UBASH3B: variants seen among roughly 807,000 people sequenced by gnomAD.
UBASH3B encodes the protein ubiquitin associated and SH3 domain containing B.
A neutral mutation model predicts 83.4 loss-of-function variants in UBASH3B; 37 were observed. That is an observed-to-expected ratio of 0.44 (90% CI 0.34 to 0.58). The LOEUF (loss-of-function observed/expected upper bound fraction) is 0.58. Ranked by LOEUF, UBASH3B falls within the 20% of genes least tolerant of loss-of-function variation. The pLI, the probability that UBASH3B is intolerant of heterozygous loss-of-function variation, is 0.01. For missense variants in UBASH3B, 657 were observed against 827.2 expected, an observed-to-expected ratio of 0.79 and a Z score of 2.52; for synonymous variants, 304 against 318.3, an observed-to-expected ratio of 0.96 and a Z score of 0.48.
chr11:122,694,954 C>CTTTTTTTTTTTTTTTTTT lies in UBASH3B; in HGVS notation c.161+38754_161+38771dup, dbSNP rs71054088. Among the ~76,000 whole-genome samples the CTTTTTTTTTTTTTTTTTT allele has an allele frequency of 2.6e-4, 13 of 50,412 alleles. 4 individuals carry two copies. The East Asian group carries it at 2.8e-3, about 11-fold the overall frequency. 33.1% of individuals were successfully genotyped at this position (50,412 alleles called of 152,430 possible). A position where few individuals can be genotyped will look rare whatever the true frequency, so the allele number is the denominator to read the frequency against. On this transcript the variant is annotated intron_variant, in intron 1 of 13. Transcript: ENST00000284273. ...TATTTATTTTTCTTTTCTTTTCTTT[C>CTTTTTTTTTTTTTTTTTT]TTTTTTTTTTTTTTTTTTTTTTTTT...
At chr11:122,730,836 C>T (rs1414355031) in intron 1 of UBASH3B, among the ~76,000 whole-genome samples, 1 of 152,132 alleles carries the variant, frequency 6.6e-6, no homozygotes, top group Non-Finnish European at 1.5e-5. Flanking sequence ...CTCAGGTGAT[C>T]CGCCCGCCTC....
intron 1 of UBASH3B, among the ~76,000 whole-genome samples, chr11:122,769,174 A>G (rs1344353998): frequency 2.0e-5 from 3 of 152,212 alleles, no homozygotes; most frequent in Non-Finnish European, 4.4e-5. Flanking sequence ...GCTTCCACTC[A>G]TGACAGAAGG....
At chr11:122,723,362 A>G (rs1275751210) in intron 1 of UBASH3B, among the ~76,000 whole-genome samples, 2 of 152,248 alleles carry the variant, frequency 1.3e-5, no homozygotes, top group East Asian at 3.8e-4. Flanking sequence ...AGTGAATAGT[A>G]GAGCCAAGTC....
intron 1 of UBASH3B, among the ~76,000 whole-genome samples, chr11:122,744,776 A>G (rs7342257): frequency 0.46 from 70,483 of 151,772 alleles, 16,599 homozygotes; most frequent in African/African-American, 0.51. Flanking sequence ...CATGTGTGCT[A>G]TATGAGTGAT....
chr11:122,801,468 T>C (rs1291067390), intron 11 of UBASH3B, 136 bp downstream of exon 11: 2 of 1,089,486 alleles, frequency 1.8e-6, no homozygotes, highest in Non-Finnish European at 2.6e-6. Flanking sequence ...AAACGAGCTA[T>C]GATTTTAGAA....
chr11:122,752,153 T>G (rs1441940670), intron 1 of UBASH3B, among the ~76,000 whole-genome samples: 1 of 152,196 alleles, frequency 6.6e-6, no homozygotes. Context: ...CTTGCCTCGC[T>G]GTCCCTATCA....
At chr11:122,802,179 G>T (rs1265187562) in intron 11 of UBASH3B, among the ~76,000 whole-genome samples, 1 of 152,000 alleles carries the variant, frequency 6.6e-6, no homozygotes, top group Non-Finnish European at 1.5e-5. Flanking sequence ...GCTGGGCGTG[G>T]TGGCACACGC....
intron 1 of UBASH3B, among the ~76,000 whole-genome samples, chr11:122,733,362 G>A (rs192558218): frequency 6.6e-6 from 1 of 152,368 alleles, no homozygotes; most frequent in East Asian, 1.9e-4. Context: ...ATGTCTGGCA[G>A]TGATTGGATG....
chr11:122,759,746 C>G lies in UBASH3B; in HGVS notation c.162-16473C>G, dbSNP rs970625408. Among the ~76,000 whole-genome samples the G allele has an allele frequency of 1.4e-4, 22 of 152,214 alleles. No individual in the cohort carries two copies. Among genetic ancestry groups the G allele is most frequent in the Admixed American group, 3.3e-4 (5 of 15,282 alleles). ...ATGCTGCCACTGATCTGATAGGAGG[C>G]AGAGCTCAGGCAGTAATGCTCACTC... On this transcript the variant is annotated intron_variant, in intron 1 of 13. Coordinates refer to ENST00000284273, the MANE Select transcript of UBASH3B (RefSeq NM_032873.5). This position sits in a 1 kb window ranked among gnomAD's most constrained non-coding sequence, Gnocchi z 4.1.
At chr11:122,658,485 T>C (rs1208708503) in intron 1 of UBASH3B, among the ~76,000 whole-genome samples, 1 of 152,216 alleles carries the variant, frequency 6.6e-6, no homozygotes, top group African/African-American at 2.4e-5. Flanking sequence ...ATAGCTAGCA[T>C]GTATTGAATA....
At position 122,806,678 on chromosome 11, in the gene UBASH3B, A is replaced by G. The variant is rs1861345039; in HGVS notation, c.1702+162A>G. On this transcript the variant is annotated intron_variant, in intron 12 of 13. Coordinates refer to ENST00000284273, the MANE Select transcript of UBASH3B (RefSeq NM_032873.5). The surrounding 1 kb of genome is among the most constrained non-coding windows in gnomAD (Gnocchi z 4.0). ...TACATTAAATTTGTAATATTCTCTG[A>G]GTTCCTAAAATGGTAGATATTCCAG... Among the ~76,000 whole-genome samples, 1 of 152,242 alleles carries G rather than the reference A, an allele frequency of 6.6e-6. No individual in the cohort carries two copies. The highest frequency in any genetic ancestry group is 1.5e-5 in the Non-Finnish European group (1 of 68,040).
At chr11:122,770,627 T>C (rs1860626455) in intron 1 of UBASH3B, among the ~76,000 whole-genome samples, 2 of 152,080 alleles carry the variant, frequency 1.3e-5, no homozygotes, top group African/African-American at 4.8e-5. Context: ...CTAACAAGAC[T>C]GGTTGTGTCT....
Position 122,789,771 on chromosome 11 carries a change from T to A in UBASH3B, c.980+463T>A, listed in dbSNP as rs11218810. ...GTATCCTTGATTTGCTAAGTGACCC[T>A]GAGCAAGTCCCCAGACACAGCCTAT... On this transcript the variant is annotated intron_variant, in intron 6 of 13. Transcript: ENST00000284273. Among the ~76,000 whole-genome samples the A allele has an allele frequency of 9.2e-3, 1,400 of 152,270 alleles. 16 individuals are homozygous for A. Among genetic ancestry groups the A allele is most frequent in the African/African-American group, 0.032 (1,341 of 41,538 alleles).
chr11:122,674,567 G>A (rs1038210826), intron 1 of UBASH3B, among the ~76,000 whole-genome samples: 1 of 151,920 alleles, frequency 6.6e-6, no homozygotes, highest in African/African-American at 2.4e-5. Flanking sequence ...ATTTTTAGTA[G>A]AGACAGGGTT....
chr11:122,779,851 A>G (rs1860819900), intron 4 of UBASH3B, 156 bp downstream of exon 4: 4 of 828,322 alleles, frequency 4.8e-6, no homozygotes, highest in Non-Finnish European at 7.5e-6. Context: ...CTTTTCCTGC[A>G]GCACCCCACG....
In UBASH3B at chr11:122,758,009, A is replaced by G. The variant is rs1394238631; in HGVS notation, c.162-18210A>G. Among the ~76,000 whole-genome samples the G allele has an allele frequency of 6.6e-6, 1 of 152,104 alleles. No homozygotes were observed. Among genetic ancestry groups the G allele is most frequent in the Non-Finnish European group, 1.5e-5 (1 of 68,008 alleles). On this transcript the variant is annotated intron_variant, in intron 1 of 13. Transcript: ENST00000284273. This position sits in a 1 kb window ranked among gnomAD's most constrained non-coding sequence, Gnocchi z 4.2. ...GCGTGAGCCACCGCACCAGGCCGAC[A>G]AGACCTTCTTTAAACACTCAACCAC... is the stretch of plus-strand genomic sequence containing the variant.
At chr11:122,784,768 A>G (rs1367866924) in intron 5 of UBASH3B, among the ~76,000 whole-genome samples, 2 of 152,200 alleles carry the variant, frequency 1.3e-5, no homozygotes, top group African/African-American at 4.8e-5. Context: ...AGGGTTAAGC[A>G]TGCGCCTGTG....
rs755067939 is a variant in UBASH3B, at chr11:122,794,749, G to A, written c.1028G>A (p.Gly343Glu). 3 of 1,614,116 alleles carry A rather than the reference G, an allele frequency of 1.9e-6. No individual in the cohort carries two copies. Among genetic ancestry groups the A allele is most frequent in the Non-Finnish European group, 2.5e-6 (3 of 1,180,026 alleles). Residue 343 changes from glycine (G) to glutamate (E), a missense_variant, in exon 7 of 14, where the codon GGG becomes GAG. Physicochemically the swap from Gly to Glu is moderately conservative, Grantham distance 98 (BLOSUM62 -2). Coordinates refer to ENST00000284273, the MANE Select transcript of UBASH3B (RefSeq NM_032873.5). The part of the protein sequence containing the change: ...NTSSSNSLTF[G>E]DGVLERRPYE... ...TCGTCATCCAACTCTCTCACGTTTG[G>A]GGATGGAGTATTGGAGAGGCGGCCT...
chr11:122,740,469 A>C (rs1490757992), intron 1 of UBASH3B, among the ~76,000 whole-genome samples: 1 of 152,222 alleles, frequency 6.6e-6, no homozygotes, highest in Non-Finnish European at 1.5e-5. Flanking sequence ...GTTTACTGAA[A>C]GCACAATATG....
Sources: gnomAD v4.1 joint callset for allele counts (sites outside exome capture counted in the v4.1 genomes callset) on GRCh38, gnomAD v4.1.1 for gene constraint, Gnocchi (gnomAD v3.1) non-coding constraint, MANE v1.5 for transcripts, NCBI Gene and HGNC (gene_info 2026-07-23, HGNC 2026-07-21) for gene names.